OSBPL8: variants seen among roughly 807,000 people sequenced by gnomAD.
The protein encoded by OSBPL8 is oxysterol-binding protein-related protein 8.
OSBPL8 carries 59 observed loss-of-function variants against 125.5 expected under a neutral mutation model. The ratio of observed to expected loss-of-function variants is 0.47; its 90% CI spans 0.38 to 0.58. OSBPL8 has a LOEUF of 0.58. Among genes scored for constraint, OSBPL8 ranks in the 20% least tolerant of loss-of-function variants. The probability of loss-of-function intolerance (pLI) is 0.00; values close to 1 mark genes in which losing one functional copy is unlikely to be tolerated. For synonymous variants in OSBPL8, 330 were observed against 338.9 expected (o/e 0.97, Z 0.29); for missense variants, 758 against 1,047.8 (o/e 0.72, Z 3.82).
At chr12:76,367,017 C>T (rs1048421853) in intron 21 of OSBPL8, among the ~76,000 whole-genome samples, 6 of 152,096 alleles carry the variant, frequency 3.9e-5, no homozygotes, top group African/African-American at 1.4e-4. Flanking sequence ...GTGTATTCTT[C>T]CATGGTTGGG....
At chr12:76,525,285 GA>G (rs1188852644) in intron 1 of OSBPL8, among the ~76,000 whole-genome samples, 1 of 152,062 alleles carries the variant, frequency 6.6e-6, no homozygotes, top group East Asian at 1.9e-4. Context: ...GTTTATATAT[GA>G]AAAAGAGTAA....
At chr12:76,478,410 A>C (rs1374792645) in intron 2 of OSBPL8, among the ~76,000 whole-genome samples, 1 of 152,176 alleles carries the variant, frequency 6.6e-6, no homozygotes, top group Non-Finnish European at 1.5e-5. Flanking sequence ...GAGTCCTGGG[A>C]ACCCACTTTA....
At chr12:76,444,081 T>A (rs1327551264) in intron 4 of OSBPL8, among the ~76,000 whole-genome samples, 1 of 151,998 alleles carries the variant, frequency 6.6e-6, no homozygotes, top group African/African-American at 2.4e-5. Context: ...TTAAAAAAAA[T>A]CCTAAAACAA....
intron 4 of OSBPL8, chr12:76,422,879 A>G (rs1448330651): frequency 1.4e-5 from 3 of 216,716 alleles, no homozygotes; most frequent in African/African-American, 2.2e-5. Context: ...TGATTTTTTA[A>G]AAAAAGGAAC....
At chr12:76,500,909 G>A (rs962527849) in intron 1 of OSBPL8, among the ~76,000 whole-genome samples, 2 of 152,132 alleles carry the variant, frequency 1.3e-5, no homozygotes, top group South Asian at 2.1e-4. Context: ...TTCTGCTAAC[G>A]TTTGAATTTA....
chr12:76,377,458 G>A (rs1169445714), intron 16 of OSBPL8, among the ~76,000 whole-genome samples: 1 of 152,032 alleles, frequency 6.6e-6, no homozygotes, highest in Non-Finnish European at 1.5e-5. Context: ...ACTTTTTAAT[G>A]ATCACCATTC....
chr12:76,389,100 C>CT (rs1953448127), intron 12 of OSBPL8, among the ~76,000 whole-genome samples: 1 of 152,166 alleles, frequency 6.6e-6, no homozygotes, highest in Non-Finnish European at 1.5e-5. Context: ...ATAGCACCTC[C>CT]TCTGCCTCCT....
chr12:76,376,389 A>G (rs757638213), intron 16 of OSBPL8, among the ~76,000 whole-genome samples: 2 of 152,306 alleles, frequency 1.3e-5, no homozygotes, highest in East Asian at 3.9e-4. Flanking sequence ...TTATTTGGCT[A>G]TGGAACTCTT....
intron 4 of OSBPL8, among the ~76,000 whole-genome samples, chr12:76,445,886 T>C (rs1203425842): frequency 6.6e-6 from 1 of 152,136 alleles, no homozygotes; most frequent in East Asian, 1.9e-4. Context: ...AAGCATTGTA[T>C]ACATAATGGA....
intron 1 of OSBPL8, among the ~76,000 whole-genome samples, chr12:76,518,490 G>A (rs1270880008): frequency 6.6e-6 from 1 of 152,142 alleles, no homozygotes; most frequent in Non-Finnish European, 1.5e-5. Context: ...GGAGGGTGGT[G>A]GCCCACTTTC....
At chr12:76,486,082 C>G (rs1276198495) in intron 2 of OSBPL8, 1 of 405,342 alleles carries the variant, frequency 2.5e-6, no homozygotes, top group African/African-American at 2.1e-5. Flanking sequence ...TCTTCATAAG[C>G]CAAGAATTTC....
chr12:76,364,671 T>C (rs936139009), intron 21 of OSBPL8, among the ~76,000 whole-genome samples: 4 of 152,118 alleles, frequency 2.6e-5, no homozygotes, highest in African/African-American at 9.7e-5. Flanking sequence ...AATTAATTAA[T>C]TGACCATGGA....
intron 1 of OSBPL8, among the ~76,000 whole-genome samples, chr12:76,526,924 ACAGGTGTGAGC>A (rs60930358): frequency 0.2 from 30,889 of 151,828 alleles, 3,364 homozygotes; most frequent in Non-Finnish European, 0.26. Flanking sequence ...TGCTGGGATT[ACAGGTGTGAGC>A]CACCATGCCT....
In OSBPL8 at chr12:76,384,264, A is replaced by T. The variant is rs1251634479; in HGVS notation, c.1620T>A (p.Ser540=). Residue 540 remains serine, a synonymous_variant, in exon 15 of 24, where the codon TCT becomes TCA. Coordinates refer to ENST00000261183, the MANE Select transcript of OSBPL8 (RefSeq NM_020841.5). The part of the protein sequence containing the change: ...FCLSGSILAK[S]KFYGNSLSAI... ...GACGGGAAAACTCACCATAAAACTT[A>T]GACTTAGCCAGGATACTACCGCTAA... 1.3e-6 allele frequency: 2 copies of T among 1,524,924 alleles called. No individual in the cohort carries two copies. Among genetic ancestry groups the T allele is most frequent in the South Asian group, 2.7e-5 (2 of 75,282 alleles). 94.5% of individuals were successfully genotyped at this position (1,524,924 alleles called of 1,614,324 possible).
intron 21 of OSBPL8, among the ~76,000 whole-genome samples, chr12:76,365,781 T>C (rs540217988): frequency 6.6e-6 from 1 of 152,306 alleles, no homozygotes; most frequent in South Asian, 2.1e-4. Context: ...TTCCTAGATT[T>C]ATGAGGTCTT....
chr12:76,364,709 T>C lies in OSBPL8; in HGVS notation c.2328+4505A>G, dbSNP rs1952345992. On this transcript the variant is annotated intron_variant, in intron 21 of 23. Transcript: ENST00000261183. ...TCTGGCTTGACATTTAGACACTCAATTCTACTCCATTGGTCAATATGCCTG... is the reference window on the plus strand; with the variant it reads ...TCTGGCTTGACATTTAGACACTCAACTCTACTCCATTGGTCAATATGCCTG... Among the ~76,000 whole-genome samples, 2 of 152,204 alleles carry C rather than the reference T, an allele frequency of 1.3e-5. 1 individual carries two copies. Among genetic ancestry groups the C allele is most frequent in the South Asian group, 4.1e-4 (2 of 4,836 alleles).
intron 2 of OSBPL8, among the ~76,000 whole-genome samples, chr12:76,476,663 T>A (rs531703816): frequency 6.6e-6 from 1 of 152,092 alleles, no homozygotes; most frequent in South Asian, 2.1e-4. Context: ...AGTGCCACAT[T>A]CACAAAATAA....
chr12:76,399,820 T>C (rs1027833533), intron 7 of OSBPL8, 53 bp downstream of exon 7: 1 of 1,440,954 alleles, frequency 6.9e-7, no homozygotes, highest in Non-Finnish European at 9.4e-7. Flanking sequence ...GGCTTTTCCA[T>C]TCCAGTAGGT....
intron 5 of OSBPL8, among the ~76,000 whole-genome samples, chr12:76,409,739 A>G (rs1954432700): frequency 6.6e-6 from 1 of 152,234 alleles, no homozygotes; most frequent in South Asian, 2.1e-4. Flanking sequence ...ATATTTATGT[A>G]AAATCATACA....
Sources: gnomAD v4.1 joint callset for allele counts (sites outside exome capture counted in the v4.1 genomes callset) on GRCh38, gnomAD v4.1.1 for gene constraint, MANE v1.5 for transcripts, NCBI Gene and HGNC (gene_info 2026-07-23, HGNC 2026-07-21) for gene names.